RNF175: variants seen among roughly 807,000 people sequenced by gnomAD.
The protein encoded by RNF175 is ring finger protein 175.
Under a neutral mutation model 50.0 loss-of-function variants are expected in RNF175, and 38 were observed. That is an observed-to-expected ratio of 0.76 (90% CI 0.59 to 1.00). RNF175 has a LOEUF of 1.00. Among genes scored for constraint, RNF175 ranks in the 50% least tolerant of loss-of-function variants. RNF175 has a pLI of 0.00. For missense variants in RNF175, 388 were observed against 409.6 expected (o/e 0.95, Z 0.46); for synonymous variants, 155 against 146.1 (o/e 1.06, Z -0.44).
Position 153,722,544 on chromosome 4 carries a change from A to G in RNF175, c.509+807T>C, listed in dbSNP as rs1048678558. Reference sequence around the variant, plus strand: ...GGTCTTGAACTCCTGGCCTCAAGCAATCCTCCCACCTCTGCCTCCCAAGTA... The same window carrying G: ...GGTCTTGAACTCCTGGCCTCAAGCAGTCCTCCCACCTCTGCCTCCCAAGTA... On this transcript the variant is annotated intron_variant, in intron 5 of 8. Coordinates refer to ENST00000347063, the MANE Select transcript of RNF175 (RefSeq NM_173662.4). Among the ~76,000 whole-genome samples the G allele has an allele frequency of 9.4e-5, 14 of 149,396 alleles. No homozygotes were observed. In the South Asian group the frequency reaches 1.1e-3, roughly 11 times the overall value.
At chr4:153,721,280 G>A (rs1262174885) in intron 5 of RNF175, 2 of 152,094 alleles carry the variant, frequency 1.3e-5, no homozygotes, top group South Asian at 4.1e-4. Flanking sequence ...TCAAATATCA[G>A]TGGTGACCCT....
chr4:153,729,482 C>A (rs1320267561), intron 3 of RNF175, among the ~76,000 whole-genome samples: 1 of 152,144 alleles, frequency 6.6e-6, no homozygotes, highest in African/African-American at 2.4e-5. Flanking sequence ...TCAATCTTTG[C>A]AATAGAAAAG....
At chr4:153,747,974 A>G (rs1490186908) in intron 3 of RNF175, among the ~76,000 whole-genome samples, 1 of 152,204 alleles carries the variant, frequency 6.6e-6, no homozygotes, top group Non-Finnish European at 1.5e-5. Context: ...GTGTCATCTC[A>G]TGGCAGAAGG....
intron 1 of RNF175, among the ~76,000 whole-genome samples, chr4:153,752,292 G>A (rs551194465): frequency 2.6e-5 from 4 of 152,200 alleles, no homozygotes; most frequent in Non-Finnish European, 5.9e-5. Flanking sequence ...GAACAAAGGA[G>A]GAGACTCATG....
Position 153,745,389 on chromosome 4 carries a change from G to C in RNF175, c.246+3256C>G, listed in dbSNP as rs570782813. 3.3e-5 allele frequency among the ~76,000 whole-genome samples: 5 copies of C among 152,292 alleles called. No individual in the cohort carries two copies. The East Asian group carries it at 9.7e-4, about 29-fold the overall frequency. Reference sequence around the variant, plus strand: ...AAATACTACTCTAAACATTGTGATGGCAAGGTCTCAGGCCCAACAAGGCCC... The same window carrying C: ...AAATACTACTCTAAACATTGTGATGCCAAGGTCTCAGGCCCAACAAGGCCC... On this transcript the variant is annotated intron_variant, in intron 3 of 8. Transcript: ENST00000347063.
intron 2 of RNF175, among the ~76,000 whole-genome samples, chr4:153,750,992 TAGTA>T (rs895363507): frequency 1.3e-5 from 2 of 152,170 alleles, no homozygotes; most frequent in African/African-American, 4.8e-5. Context: ...TGTACAAATG[TAGTA>T]AGTATTTTCC....
chr4:153,738,615 A>T (rs770611583), intron 3 of RNF175, among the ~76,000 whole-genome samples: 12 of 152,138 alleles, frequency 7.9e-5, no homozygotes, highest in Non-Finnish European at 1.3e-4. Context: ...TTTACTGTTG[A>T]TATATCTGTA....
chr4:153,715,680 C>G lies in RNF175; in HGVS notation c.631-18G>C. ...CTGTAGAACTATCAGAGGAAATGGA[C>G]AGAGCACAGTCAGAAAGGAGAGCAC... On this transcript the variant is annotated intron_variant, in intron 6 of 8. Transcript: ENST00000347063. 1 of 1,610,654 alleles carries G rather than the reference C, an allele frequency of 6.2e-7. No individual in the cohort carries two copies. The highest frequency in any genetic ancestry group is 8.5e-7 in the Non-Finnish European group (1 of 1,178,010).
intron 1 of RNF175, among the ~76,000 whole-genome samples, chr4:153,755,563 CAG>C (rs1039777542): frequency 3.1e-5 from 4 of 127,924 alleles, no homozygotes; most frequent in African/African-American, 1.0e-4. Context: ...TTGAAGAACT[CAG>C]AAAGAATTTA....
At chr4:153,726,068 T>G (rs1738677171) in intron 4 of RNF175, among the ~76,000 whole-genome samples, 2 of 133,948 alleles carry the variant, frequency 1.5e-5, no homozygotes, top group Admixed American at 1.7e-4. Flanking sequence ...GTGGCTAGTG[T>G]GTGTATGTGT....
At chr4:153,748,818 A>G in intron 2 of RNF175, 32 bp from the exon 3 acceptor site, 1 of 1,588,944 alleles carries the variant, frequency 6.3e-7, no homozygotes, top group Non-Finnish European at 8.6e-7. Flanking sequence ...CATCTGAAAA[A>G]GCCCTCAACC....
At chr4:153,721,157 GT>G (rs11327953) in intron 5 of RNF175, among the ~76,000 whole-genome samples, 55,789 of 148,908 alleles carry the variant, frequency 0.37, 10,469 homozygotes, top group South Asian at 0.6. Flanking sequence ...CCCCCAGCCA[GT>G]TTTTTTTTTT....
chr4:153,718,892 C>T (rs989442840), intron 6 of RNF175, among the ~76,000 whole-genome samples: 1 of 152,154 alleles, frequency 6.6e-6, no homozygotes, highest in African/African-American at 2.4e-5. Context: ...GGTCCTGCTC[C>T]AGAAATGGAG....
chr4:153,715,684 G>T (rs1417063775), intron 6 of RNF175, 22 bp from the exon 7 acceptor site: 2 of 1,608,888 alleles, frequency 1.2e-6, no homozygotes, highest in Non-Finnish European at 1.7e-6. Flanking sequence ...AATGGACAGA[G>T]CACAGTCAGA....
At position 153,731,312 on chromosome 4, in the gene RNF175, G is replaced by C. The variant is rs530037530; in HGVS notation, c.247-2951C>G. ...ATAAACACATGAAATATATGAAATC[G>C]AGGCACATACATGCAAAGAAGGAAG... is the stretch of plus-strand genomic sequence containing the variant. On this transcript the variant is annotated intron_variant, in intron 3 of 8. Coordinates refer to ENST00000347063, the MANE Select transcript of RNF175 (RefSeq NM_173662.4). Among the ~76,000 whole-genome samples, 3 of 152,082 alleles carry C rather than the reference G, an allele frequency of 2.0e-5. No individual in the cohort carries two copies. In the South Asian group the frequency reaches 6.2e-4, roughly 32 times the overall value.
In RNF175 at chr4:153,716,855, T is replaced by C. The variant is rs182833181; in HGVS notation, c.631-1193A>G. 1.2e-4 allele frequency among the ~76,000 whole-genome samples: 19 copies of C among 152,326 alleles called. No homozygotes were observed. In the East Asian group the frequency reaches 3.5e-3, roughly 28 times the overall value. Reference sequence around the variant, plus strand: ...CCTTCGACTGATTGGCTGAGGTCTATGTAGAATATTAAGGATAATCTCCTT... The same window carrying C: ...CCTTCGACTGATTGGCTGAGGTCTACGTAGAATATTAAGGATAATCTCCTT... On this transcript the variant is annotated intron_variant, in intron 6 of 8. Transcript: ENST00000347063.
At chr4:153,732,944 C>T (rs979434935) in intron 3 of RNF175, among the ~76,000 whole-genome samples, 1 of 152,168 alleles carries the variant, frequency 6.6e-6, no homozygotes, top group Non-Finnish European at 1.5e-5. Context: ...TTAGTAGTAT[C>T]CCACATGAAA....
At chr4:153,751,358 G>T in intron 2 of RNF175, 80 bp downstream of exon 2, 2 of 1,003,820 alleles carry the variant, frequency 2.0e-6, no homozygotes, top group South Asian at 1.5e-5. Context: ...ATAAAATGAT[G>T]ACTTCATTCA....
intron 3 of RNF175, among the ~76,000 whole-genome samples, chr4:153,743,210 A>G (rs1391836800): frequency 6.6e-6 from 1 of 152,184 alleles, no homozygotes; most frequent in East Asian, 1.9e-4. Flanking sequence ...TCAAGCTCAA[A>G]TGGTTGCAGA....
Sources: gnomAD v4.1 joint callset for allele counts (sites outside exome capture counted in the v4.1 genomes callset) on GRCh38, gnomAD v4.1.1 for gene constraint, MANE v1.5 for transcripts, NCBI Gene and HGNC (gene_info 2026-07-23, HGNC 2026-07-21) for gene names.